The following FECH variants were observed in gnomAD, a reference collection of about 807,000 sequenced individuals.
FECH encodes the protein ferrochelatase.
In FECH, 40 loss-of-function variants were observed where a neutral mutation model predicts 56.9. That is an observed-to-expected ratio of 0.70 (90% CI 0.55 to 0.92). FECH has a LOEUF of 0.92. FECH is among the 40% of genes least tolerant of loss of function. FECH has a pLI of 0.00. For missense variants in FECH, 431 were observed against 529.1 expected (o/e 0.81, Z 1.82); for synonymous variants, 175 against 198.6 (o/e 0.88, Z 1.00).
rs369356106 is a variant in FECH at position 57,580,206 on chromosome 18, C to T, written c.68-7G>A. ...CTCCAGCTGCTGGATGCCACTGTGACAAAATTAAAGTGCTCGCATGAAATC... is the reference window on the plus strand; with the variant it reads ...CTCCAGCTGCTGGATGCCACTGTGATAAAATTAAAGTGCTCGCATGAAATC... On this transcript the variant is annotated splice_polypyrimidine_tract_variant and splice_region_variant and intron_variant, in intron 1 of 10. Coordinates refer to ENST00000262093, the MANE Select transcript of FECH (RefSeq NM_000140.5). The T allele has an allele frequency of 6.2e-7, 1 of 1,614,128 alleles. No homozygotes were observed.
rs752448688 is a variant in FECH, at chr18:57,550,773, G to A, written c.1211C>T (p.Pro404Leu). The change falls in exon 11 of 11, where the codon CCG becomes CTG. Residue 404 changes from proline (P) to leucine (L), a missense_variant. Pro to Leu is a moderately conservative substitution (Grantham distance 98). Coordinates refer to ENST00000262093, the MANE Select transcript of FECH (RefSeq NM_000140.5). ...CCTGCAGACAGGATTGACACAGAGCGGACAGCTCAGGGTCAGCTGCTTGGA... is the reference window on the plus strand; with the variant it reads ...CCTGCAGACAGGATTGACACAGAGCAGACAGCTCAGGGTCAGCTGCTTGGA... The part of the protein sequence containing the change: ...LCSKQLTLSC[P>L]LCVNPVCRET... 3.5e-5 allele frequency: 57 copies of A among 1,614,004 alleles called. No individual in the cohort carries two copies. The highest frequency in any genetic ancestry group is 8.9e-5 in the East Asian group (4 of 44,894).
At chr18:57,578,329 T>A (rs2122349006) in intron 2 of FECH, among the ~76,000 whole-genome samples, 1 of 152,310 alleles carries the variant, frequency 6.6e-6, no homozygotes, top group Non-Finnish European at 1.5e-5. Flanking sequence ...ATCATACCCA[T>A]GATCATATAG....
chr18:57,564,156 G>A (rs913563636), intron 5 of FECH, among the ~76,000 whole-genome samples: 1 of 152,182 alleles, frequency 6.6e-6, no homozygotes, highest in African/African-American at 2.4e-5. Context: ...GGGATTACAG[G>A]GGTGAGCCAC....
chr18:57,579,648 G>A (rs1287172741), intron 2 of FECH, among the ~76,000 whole-genome samples: 2 of 152,018 alleles, frequency 1.3e-5, no homozygotes, highest in Admixed American at 6.6e-5. Context: ...TTATAATTAC[G>A]TTCACTGTGT....
intron 4 of FECH, among the ~76,000 whole-genome samples, chr18:57,570,031 TC>T (rs71967256): frequency 0.1 from 8,190 of 78,924 alleles, 347 homozygotes; most frequent in East Asian, 0.26. Flanking sequence ...GTTGTTGTTG[TC>T]GTGTGTGTGT....
At chr18:57,586,408 C>G (rs2051374564) in intron 1 of FECH, 146 bp downstream of exon 1, 2 of 872,704 alleles carry the variant, frequency 2.3e-6, no homozygotes, top group Non-Finnish European at 3.3e-6. Context: ...CCCTTCTCCG[C>G]GACGCCCCTC....
At chr18:57,562,510 G>C (rs527567222) in intron 6 of FECH, among the ~76,000 whole-genome samples, 1 of 152,228 alleles carries the variant, frequency 6.6e-6, no homozygotes, top group South Asian at 2.1e-4. Flanking sequence ...AAAGGATTTA[G>C]AAAGTAGAAA....
In FECH at chr18:57,546,959, C is replaced by CAAAA. The variant is rs1245302687; in HGVS notation, c.*3749_*3752dup. On this transcript the variant is annotated 3_prime_UTR_variant, in exon 11 of 11. Coordinates refer to ENST00000262093, the MANE Select transcript of FECH (RefSeq NM_000140.5). ...TGGGCAACAGAGCGAGACTCCATCT[C>CAAAA]AAAAAAAAAAAAAAAAAATTTAAGG... Among the ~76,000 whole-genome samples, 1 of 112,970 alleles carries CAAAA rather than the reference C, an allele frequency of 8.9e-6. No homozygotes were observed. Among genetic ancestry groups the CAAAA allele is most frequent in the African/African-American group, 3.5e-5 (1 of 28,702 alleles). 74.1% of individuals were successfully genotyped at this position (112,970 alleles called of 152,430 possible).
intron 5 of FECH, among the ~76,000 whole-genome samples, chr18:57,565,681 T>C (rs1157254447): frequency 6.6e-6 from 1 of 152,224 alleles, no homozygotes; most frequent in African/African-American, 2.4e-5. Flanking sequence ...ATAACAAGCT[T>C]TGACTTTTTC....
At chr18:57,564,926 T>C (rs1237501270) in intron 5 of FECH, among the ~76,000 whole-genome samples, 1 of 152,224 alleles carries the variant, frequency 6.6e-6, no homozygotes, top group Non-Finnish European at 1.5e-5. Flanking sequence ...GCCACAATAG[T>C]GCCAGTCTAA....
At chr18:57,575,846 A>G (rs899295563) in intron 2 of FECH, among the ~76,000 whole-genome samples, 5 of 152,256 alleles carry the variant, frequency 3.3e-5, no homozygotes, top group Admixed American at 3.3e-4. Flanking sequence ...AACCTGTTGT[A>G]TAAGTGGATG....
intron 2 of FECH, among the ~76,000 whole-genome samples, chr18:57,578,397 G>A (rs111508808): frequency 0.04 from 6,056 of 152,232 alleles, 337 homozygotes; most frequent in African/African-American, 0.13. Flanking sequence ...ACGGTGGCTC[G>A]TGGCTCATGG....
In FECH at chr18:57,544,959, T is replaced by G. The variant is rs1025166016; in HGVS notation, c.*5753A>C. Among the ~76,000 whole-genome samples the G allele has an allele frequency of 6.6e-6, 1 of 152,236 alleles. No homozygotes were observed. The highest frequency in any genetic ancestry group is 1.5e-5 in the Non-Finnish European group (1 of 68,042). ...GCCAACATGCCATGTGCCTGTGCAA[T>G]CAATTCCATGCCATATATACACTTT... On this transcript the variant is annotated 3_prime_UTR_variant, in exon 11 of 11. Transcript: ENST00000262093.
intron 5 of FECH, among the ~76,000 whole-genome samples, chr18:57,564,390 G>A (rs1226112005): frequency 6.6e-6 from 1 of 152,174 alleles, no homozygotes; most frequent in Non-Finnish European, 1.5e-5. Context: ...CTGTCTAGGG[G>A]AGTTAGCATT....
At chr18:57,584,973 C>T (rs2051345267) in intron 1 of FECH, among the ~76,000 whole-genome samples, 1 of 148,772 alleles carries the variant, frequency 6.7e-6, no homozygotes. Context: ...ATGGCACCAC[C>T]GTACACCAGC....
chr18:57,557,178 G>A (rs567308012), intron 7 of FECH, among the ~76,000 whole-genome samples: 4 of 152,210 alleles, frequency 2.6e-5, no homozygotes, highest in Non-Finnish European at 4.4e-5. Context: ...AACACTGGGA[G>A]AGGCTGAGTA....
rs28617328 is a variant in FECH, at chr18:57,554,751, A to T, written c.912+94T>A. The T allele has an allele frequency of 0.14, 137,803 of 1,007,816 alleles. 10,198 individuals are homozygous for T. Among genetic ancestry groups the T allele is most frequent in the African/African-American group, 0.22 (13,682 of 62,824 alleles). The allele number at this position is 1,007,816 out of a possible 1,614,324, so 62.4% of individuals were successfully genotyped here. A position where few individuals can be genotyped will look rare whatever the true frequency, so the allele number is the denominator to read the frequency against. ...AGCAATCAGGTTATGGAAGAGCCTG[A>T]CCATGTGTAAGAGCCAAATCTAACC... On this transcript the variant is annotated intron_variant, in intron 8 of 10. Coordinates refer to ENST00000262093, the MANE Select transcript of FECH (RefSeq NM_000140.5).
chr18:57,552,131 G>A (rs189970772), intron 9 of FECH, among the ~76,000 whole-genome samples: 2,046 of 151,830 alleles, frequency 0.013, 50 homozygotes, highest in African/African-American at 0.047. Flanking sequence ...CGATCCACCC[G>A]CCTCAGCCTC....
intron 3 of FECH, 99 bp downstream of exon 3, chr18:57,573,147 T>C (rs1385491885): frequency 1.2e-5 from 14 of 1,152,446 alleles, no homozygotes; most frequent in Non-Finnish European, 1.8e-5. Flanking sequence ...CATTACCAGA[T>C]ACGCATTAAA....
Sources: allele counts gnomAD v4.1 joint callset (sites outside exome capture counted in the v4.1 genomes callset), GRCh38; gene constraint gnomAD v4.1.1; transcripts MANE v1.5; gene names NCBI Gene and HGNC (gene_info 2026-07-23, HGNC 2026-07-21).